The following RASGEF1C variants were observed in gnomAD, a reference collection of about 807,000 sequenced individuals.
The protein encoded by RASGEF1C is RasGEF domain family member 1C, also known as ras-GEF domain-containing family member 1C.
RASGEF1C carries 27 observed loss-of-function variants against 58.1 expected under a neutral mutation model. The ratio of observed to expected loss-of-function variants is 0.46; its 90% CI spans 0.34 to 0.64. The LOEUF is 0.64. Ranked by LOEUF, RASGEF1C falls within the 30% of genes least tolerant of loss-of-function variation. The pLI is 0.01. For synonymous variants in RASGEF1C, 243 were observed against 246.3 expected, an observed-to-expected ratio of 0.99 and a Z score of 0.13; for missense variants, 502 against 605.1, an observed-to-expected ratio of 0.83 and a Z score of 1.79.
At chr5:180,133,564 C>T (rs1356068753) in intron 4 of RASGEF1C, among the ~76,000 whole-genome samples, 4 of 152,234 alleles carry the variant, frequency 2.6e-5, no homozygotes, top group Non-Finnish European at 5.9e-5. Context: ...TTGCACACAG[C>T]ACTTTCTATC....
intron 1 of RASGEF1C, among the ~76,000 whole-genome samples, chr5:180,171,564 C>T (rs1432509551): frequency 6.6e-6 from 1 of 152,130 alleles, no homozygotes; most frequent in Non-Finnish European, 1.5e-5. Context: ...ACACTCAGCC[C>T]CTGGGTCCCA....
At chr5:180,201,052 C>T (rs1369687366) in intron 1 of RASGEF1C, among the ~76,000 whole-genome samples, 3 of 152,112 alleles carry the variant, frequency 2.0e-5, no homozygotes, top group Non-Finnish European at 4.4e-5. Context: ...GAGCTGTGAT[C>T]GCACCAGCGC....
At position 180,156,272 on chromosome 5, in the gene RASGEF1C, G is replaced by A. The variant is rs554891234; in HGVS notation, c.-6-18214C>T. On this transcript the variant is annotated intron_variant, in intron 1 of 13. Coordinates refer to ENST00000361132, the MANE Select transcript of RASGEF1C (RefSeq NM_175062.4). This position sits in a 1 kb window ranked among gnomAD's most constrained non-coding sequence, Gnocchi z 4.9. ...GAGGACGGCACTGCCCCTGCTGGAC[G>A]GAGGCTCCAGGAGGTGAGCGGATCA... Among the ~76,000 whole-genome samples the A allele has an allele frequency of 7.9e-4, 121 of 152,314 alleles. No individual in the cohort carries two copies. The highest frequency in any genetic ancestry group is 3.3e-3 in the South Asian group (16 of 4,826).
chr5:180,161,611 C>A (rs1396508074), intron 1 of RASGEF1C, among the ~76,000 whole-genome samples: 1 of 152,234 alleles, frequency 6.6e-6, no homozygotes, highest in Non-Finnish European at 1.5e-5. Flanking sequence ...GAGGGCGGCG[C>A]TGCAGGACGC....
At chr5:180,200,093 C>T (rs1051273911) in intron 1 of RASGEF1C, among the ~76,000 whole-genome samples, 16 of 151,846 alleles carry the variant, frequency 1.1e-4, no homozygotes, top group Non-Finnish European at 1.8e-4. Context: ...AACCCTGTCT[C>T]TACTAAAAAT....
At chr5:180,120,360 T>A (rs1166038620) in intron 7 of RASGEF1C, among the ~76,000 whole-genome samples, 2 of 152,148 alleles carry the variant, frequency 1.3e-5, no homozygotes, top group Admixed American at 6.5e-5. Context: ...GGCCGCCTCC[T>A]CTCTACTCTT....
intron 1 of RASGEF1C, among the ~76,000 whole-genome samples, chr5:180,205,240 T>G (rs1376189995): frequency 6.6e-6 from 1 of 151,590 alleles, no homozygotes; most frequent in East Asian, 1.9e-4. Flanking sequence ...ACAATAAAAC[T>G]AACAATAAAA....
intron 6 of RASGEF1C, among the ~76,000 whole-genome samples, chr5:180,126,996 C>CTCAT (rs1766274289): frequency 6.6e-6 from 1 of 151,776 alleles, no homozygotes; most frequent in Non-Finnish European, 1.5e-5. Context: ...AAAATGCAAT[C>CTCAT]TCATAGTTTG....
intron 7 of RASGEF1C, among the ~76,000 whole-genome samples, chr5:180,120,434 G>A (rs1162343658): frequency 6.6e-6 from 1 of 152,234 alleles, no homozygotes; most frequent in East Asian, 1.9e-4. Context: ...CTGCTGCGGA[G>A]AGCCCAGCCT....
intron 1 of RASGEF1C, among the ~76,000 whole-genome samples, chr5:180,140,346 C>T (rs1207410571): frequency 6.6e-6 from 1 of 152,184 alleles, no homozygotes; most frequent in East Asian, 1.9e-4. Context: ...CAGTTTTTTC[C>T]TGTGGTTGCC....
chr5:180,178,585 A>C (rs1419603402), intron 1 of RASGEF1C, among the ~76,000 whole-genome samples: 1 of 151,938 alleles, frequency 6.6e-6, no homozygotes, highest in Non-Finnish European at 1.5e-5. Flanking sequence ...TGGCTATCCC[A>C]GGGCTTTTTA....
intron 1 of RASGEF1C, among the ~76,000 whole-genome samples, chr5:180,200,990 C>T (rs1242939206): frequency 6.6e-6 from 1 of 152,090 alleles, no homozygotes; most frequent in African/African-American, 2.4e-5. Flanking sequence ...CTCAGCTACT[C>T]GGGAGGCTGA....
At position 180,197,493 on chromosome 5, in the gene RASGEF1C, T is replaced by C. The variant is rs1756300036; in HGVS notation, c.-7+11535A>G. Among the ~76,000 whole-genome samples, 2 of 152,150 alleles carry C rather than the reference T, an allele frequency of 1.3e-5. No homozygotes were observed. Among genetic ancestry groups the C allele is most frequent in the African/African-American group, 4.8e-5 (2 of 41,436 alleles). On this transcript the variant is annotated intron_variant, in intron 1 of 13. Transcript: ENST00000361132. The surrounding 1 kb of genome is among the most constrained non-coding windows in gnomAD (Gnocchi z 4.7). ...CACGTGATGGACAGATGGGAGGCTG[T>C]GAGCAGAGAGAGGCCCACAAAGACA...
At chr5:180,180,565 C>T (rs1009923582) in intron 1 of RASGEF1C, among the ~76,000 whole-genome samples, 1 of 152,222 alleles carries the variant, frequency 6.6e-6, no homozygotes, top group African/African-American at 2.4e-5. Flanking sequence ...AGGTCCCTGC[C>T]CAGAGGTGCC....
intron 1 of RASGEF1C, among the ~76,000 whole-genome samples, chr5:180,190,302 A>G (rs1756127484): frequency 2.0e-5 from 3 of 152,006 alleles, no homozygotes; most frequent in African/African-American, 4.8e-5. Context: ...CCTGGCTAAC[A>G]CGGTGAAACC....
chr5:180,113,588 AT>A (rs1766008455), intron 11 of RASGEF1C, among the ~76,000 whole-genome samples: 2 of 83,708 alleles, frequency 2.4e-5, no homozygotes, highest in Admixed American at 1.2e-4. Flanking sequence ...GGACGGAGGG[AT>A]CGGGGATGGA....
At chr5:180,194,002 G>GTTTGTT (rs71591460) in intron 1 of RASGEF1C, among the ~76,000 whole-genome samples, 1 of 148,746 alleles carries the variant, frequency 6.7e-6, no homozygotes, top group African/African-American at 2.5e-5. Flanking sequence ...ATTCTGTATG[G>GTTTGTT]TGTTTGTTTG....
intron 6 of RASGEF1C, among the ~76,000 whole-genome samples, chr5:180,126,873 T>C (rs1190024587): frequency 6.6e-6 from 1 of 152,176 alleles, no homozygotes; most frequent in Non-Finnish European, 1.5e-5. Context: ...TCGATGCTAG[T>C]GCCAGTCTCC....
chr5:180,137,822 C>G lies in RASGEF1C; in HGVS notation c.177+54G>C. 1.9e-6 allele frequency: 3 copies of G among 1,602,648 alleles called. No homozygotes were observed. The highest frequency in any genetic ancestry group is 1.1e-5 in the South Asian group (1 of 89,278). ...AAGGTCACGCCCAACCCTGATGCCC[C>G]CCGTGCGTGGTGGAGGAGAGCCCAC... On this transcript the variant is annotated intron_variant, in intron 2 of 13. Coordinates refer to ENST00000361132, the MANE Select transcript of RASGEF1C (RefSeq NM_175062.4). The surrounding 1 kb of genome is among the most constrained non-coding windows in gnomAD (Gnocchi z 4.1).
Sources: allele counts gnomAD v4.1 joint callset (sites outside exome capture counted in the v4.1 genomes callset), GRCh38; gene constraint gnomAD v4.1.1; non-coding constraint Gnocchi (gnomAD v3.1); transcripts MANE v1.5; gene names NCBI Gene and HGNC (gene_info 2026-07-23, HGNC 2026-07-21).